MARK4: variants seen among roughly 807,000 people sequenced by gnomAD.
MARK4 encodes the protein MAP/microtubule affinity-regulating kinase 4.
In MARK4, 19 loss-of-function variants were observed where a neutral mutation model predicts 81.5. The observed-to-expected ratio is 0.23, with a 90% CI of 0.16 to 0.34. The LOEUF is 0.34. Ranked by LOEUF, MARK4 falls within the 10% of genes least tolerant of loss-of-function variation. The probability of loss-of-function intolerance (pLI) is 1.00; values close to 1 mark genes in which losing one functional copy is unlikely to be tolerated. For missense variants in MARK4, 772 were observed against 1,058.8 expected (o/e 0.73, Z 3.76); for synonymous variants, 436 against 439.0 (o/e 0.99, Z 0.08).
Position 45,304,521 on chromosome 19 carries a change from C to T in MARK4, c.*1811C>T, listed in dbSNP as rs1001684701. ...CACCTTTGGGGCCAAAATGAATAAGCTGGACTTTCTCCCCATGGCACTGGG... is the reference window on the plus strand; with the variant it reads ...CACCTTTGGGGCCAAAATGAATAAGTTGGACTTTCTCCCCATGGCACTGGG... On this transcript the variant is annotated 3_prime_UTR_variant, in exon 17 of 17. Transcript: ENST00000262891. 1 of 152,236 alleles carries T rather than the reference C, an allele frequency of 6.6e-6. No individual in the cohort carries two copies. Among genetic ancestry groups the T allele is most frequent in the Non-Finnish European group, 1.5e-5 (1 of 68,060 alleles). The allele number at this position is 152,236 out of a possible 1,614,324, so 9.4% of individuals were successfully genotyped here.
chr19:45,265,450 G>A (rs1415961251), intron 6 of MARK4, among the ~76,000 whole-genome samples: 2 of 151,928 alleles, frequency 1.3e-5, no homozygotes, highest in African/African-American at 4.8e-5. Context: ...CCAGATGTAT[G>A]GGTTTCCAGG....
Position 45,302,707 on chromosome 19 carries a change from C to G in MARK4, c.2256C>G (p.Leu752=). 2.0e-6 allele frequency: 3 copies of G among 1,536,258 alleles called. No homozygotes were observed. The highest frequency in any genetic ancestry group is 1.2e-5 in the South Asian group (1 of 84,194). ...LVTRISNDLE[L] Reference sequence around the variant, plus strand: ...CCCGCATCTCCAACGACCTCGAGCTCTGAGCCACCACGGTCCCAGGGCCCT... The same window carrying G: ...CCCGCATCTCCAACGACCTCGAGCTGTGAGCCACCACGGTCCCAGGGCCCT... The change falls in exon 17 of 17, where the codon CTC becomes CTG. Residue 752 remains leucine (L), a synonymous_variant. Transcript: ENST00000262891. The surrounding 1 kb of genome is among the most constrained non-coding windows in gnomAD (Gnocchi z 4.9).
intron 13 of MARK4, among the ~76,000 whole-genome samples, chr19:45,292,249 G>T (rs1319683032): frequency 6.6e-6 from 1 of 150,410 alleles, no homozygotes; most frequent in African/African-American, 2.4e-5. Flanking sequence ...ACCAGCCTGG[G>T]CAACATGGTG....
chr19:45,263,806 C>G (rs906307701), intron 4 of MARK4, among the ~76,000 whole-genome samples: 2 of 151,690 alleles, frequency 1.3e-5, no homozygotes, highest in Admixed American at 6.6e-5. Flanking sequence ...TGCTGTGTGA[C>G]CTTGGGCAAG....
chr19:45,267,310 C>T (rs147153226), intron 7 of MARK4, among the ~76,000 whole-genome samples: 66 of 152,278 alleles, frequency 4.3e-4, no homozygotes, highest in African/African-American at 1.2e-3. Flanking sequence ...CCACCTGCCT[C>T]GGTCTCCTAG....
At chr19:45,291,284 C>G (rs533665843) in intron 13 of MARK4, among the ~76,000 whole-genome samples, 1 of 152,296 alleles carries the variant, frequency 6.6e-6, no homozygotes, top group East Asian at 1.9e-4. Context: ...CAGTCACAAC[C>G]ACACCACAGA....
intron 16 of MARK4, 26 bp downstream of exon 16, chr19:45,299,881 T>A (rs761029588): frequency 6.3e-7 from 1 of 1,582,408 alleles, no homozygotes; most frequent in Non-Finnish European, 8.6e-7. Flanking sequence ...TACCCCTGAC[T>A]GCCACTTCCC....
intron 8 of MARK4, 37 bp from the exon 9 acceptor site, chr19:45,277,886 G>A (rs201152109): frequency 2.5e-5 from 39 of 1,591,058 alleles, no homozygotes; most frequent in Admixed American, 1.9e-4. Context: ...GTGGGGGGCG[G>A]GGCAGACCCC....
chr19:45,257,276 C>A (rs1970318681), intron 1 of MARK4, among the ~76,000 whole-genome samples: 1 of 151,746 alleles, frequency 6.6e-6, no homozygotes, highest in Admixed American at 6.6e-5. Context: ...CATCTTTTAA[C>A]AAGAAAGTAT....
intron 1 of MARK4, among the ~76,000 whole-genome samples, chr19:45,256,851 G>A (rs778282229): frequency 2.6e-5 from 4 of 152,180 alleles, no homozygotes; most frequent in Non-Finnish European, 5.9e-5. Context: ...AACAGCCTGT[G>A]CACAATTTGT....
intron 4 of MARK4, 89 bp downstream of exon 4, chr19:45,263,456 G>T: frequency 6.5e-7 from 1 of 1,546,288 alleles, no homozygotes; most frequent in South Asian, 1.1e-5. Flanking sequence ...AATAGTTGGA[G>T]ACCCACCAGG....
rs35070611 is a variant in MARK4 at position 45,280,588 on chromosome 19, G to C, written c.1130G>C (p.Arg377Pro). 5 of 1,613,652 alleles carry C rather than the reference G, an allele frequency of 3.1e-6. No individual in the cohort carries two copies. Among genetic ancestry groups the C allele is most frequent in the Non-Finnish European group, 8.5e-7 (1 of 1,179,862 alleles). Reference sequence around the variant, plus strand: ...ATCCTCTCGCAGGAGGGTGGGGACCGGGGCGCCCCAGGGCTGGCCCTGGCA... The same window carrying C: ...ATCCTCTCGCAGGAGGGTGGGGACCCGGGCGCCCCAGGGCTGGCCCTGGCA... ...LGRKTEEGGD[R>P]GAPGLALARV... Residue 377 changes from arginine to proline, a missense_variant, in exon 12 of 17, where the codon CGG becomes CCG. Around this residue, in one of 3 missense-constraint regions of MARK4, gnomAD observed 548 missense variants for 624.3 expected, o/e 0.88. Coordinates refer to ENST00000262891, the MANE Select transcript of MARK4 (RefSeq NM_001199867.2).
At chr19:45,296,155 T>C (rs1970883899) in intron 14 of MARK4, among the ~76,000 whole-genome samples, 1 of 152,138 alleles carries the variant, frequency 6.6e-6, no homozygotes, top group Admixed American at 6.5e-5. Flanking sequence ...ATCACTGTAG[T>C]ACATGGCCTT....
chr19:45,304,248 C>T lies in MARK4; in HGVS notation c.*1538C>T, dbSNP rs1971019232. On this transcript the variant is annotated 3_prime_UTR_variant, in exon 17 of 17. Transcript: ENST00000262891. ...TTTCTATCCCTCCAGCTTTCTGCAGCAGAAAGACCCTCATTGTCAGTTTCC... is the reference window on the plus strand; with the variant it reads ...TTTCTATCCCTCCAGCTTTCTGCAGTAGAAAGACCCTCATTGTCAGTTTCC... 1 of 152,202 alleles carries T rather than the reference C, an allele frequency of 6.6e-6. No individual in the cohort carries two copies. The highest frequency in any genetic ancestry group is 1.5e-5 in the Non-Finnish European group (1 of 68,050). The allele number at this position is 152,202 out of a possible 1,614,324, so 9.4% of individuals were successfully genotyped here.
Position 45,264,855 on chromosome 19 carries a change from A to G in MARK4, c.437A>G (p.Tyr146Cys). 1 of 1,613,998 alleles carries G rather than the reference A, an allele frequency of 6.2e-7. No homozygotes were observed. The highest frequency in any genetic ancestry group is 8.5e-7 in the Non-Finnish European group (1 of 1,179,984). ...EYASAGEVFD[Y>C]LVSHGRMKEK... ...TGCCCTGCAGGAGAAGTGTTTGACT[A>G]CCTCGTGTCGCATGGCCGCATGAAG... Residue 146 changes from tyrosine to cysteine, a missense_variant, in exon 6 of 17, where the codon TAC becomes TGC. Physicochemically the swap from Tyr to Cys is radical, Grantham distance 194 (BLOSUM62 -2). Around this residue, in one of 3 missense-constraint regions of MARK4, gnomAD observed 109 missense variants for 294.7 expected, o/e 0.37. Transcript: ENST00000262891.
intron 14 of MARK4, among the ~76,000 whole-genome samples, chr19:45,296,299 G>C (rs915180483): frequency 6.6e-6 from 1 of 152,278 alleles, no homozygotes; most frequent in Middle Eastern, 3.4e-3. Flanking sequence ...TAAAAACAAA[G>C]AGATCCCAGG....
chr19:45,253,306 A>G (rs144670805), intron 1 of MARK4, among the ~76,000 whole-genome samples: 2 of 152,200 alleles, frequency 1.3e-5, no homozygotes, highest in South Asian at 2.1e-4. Context: ...TTTGGAGTCT[A>G]ATGAAATGCC....
At chr19:45,280,509 G>A (rs1599792331) in intron 11 of MARK4, 26 bp downstream of exon 11, 1 of 1,614,062 alleles carries the variant, frequency 6.2e-7, no homozygotes, top group Non-Finnish European at 8.5e-7. Flanking sequence ...GGGCCCTTGG[G>A]GACGCGTGAT....
intron 8 of MARK4, among the ~76,000 whole-genome samples, chr19:45,272,749 G>A (rs986852529): frequency 6.6e-6 from 1 of 152,060 alleles, no homozygotes; most frequent in Non-Finnish European, 1.5e-5. Flanking sequence ...TTAACCGGGT[G>A]TGGTGGCAGG....
Sources: allele counts gnomAD v4.1 joint callset (sites outside exome capture counted in the v4.1 genomes callset), GRCh38; gene constraint gnomAD v4.1.1; regional missense constraint gnomAD v4.1.1; non-coding constraint Gnocchi (gnomAD v3.1); transcripts MANE v1.5; gene names NCBI Gene and HGNC (gene_info 2026-07-23, HGNC 2026-07-21).